C11orf65: variants seen among roughly 807,000 people sequenced by gnomAD.
C11orf65 encodes protein MFI.
In C11orf65, 38 loss-of-function variants were observed where a neutral mutation model predicts 35.3. That is an observed-to-expected ratio of 1.08 (90% confidence interval 0.83 to 1.41). C11orf65 has a LOEUF of 1.41. C11orf65 is among the 40% of genes most tolerant of loss of function. The pLI is 0.00. For synonymous variants in C11orf65, 105 were observed against 114.4 expected (o/e 0.92, Z 0.53); for missense variants, 370 against 367.1 (o/e 1.01, Z -0.06).
At chr11:108,437,796 T>C (rs2093087341) in intron 2 of C11orf65, among the ~76,000 whole-genome samples, 2 of 150,454 alleles carry the variant, frequency 1.3e-5, no homozygotes, top group South Asian at 4.2e-4. Context: ...GCCTTAGTAT[T>C]GTTAAGATGA....
At chr11:108,452,074 C>T (rs1403731234) in intron 2 of C11orf65, among the ~76,000 whole-genome samples, 1 of 151,940 alleles carries the variant, frequency 6.6e-6, no homozygotes. Flanking sequence ...CTAGGCAATA[C>T]CATTCAGGAC....
chr11:108,367,981 A>G (rs2091419816), intron 2 of C11orf65: 2 of 205,378 alleles, frequency 9.7e-6, no homozygotes, highest in African/African-American at 4.6e-5. Flanking sequence ...TATCAACTAG[A>G]TAATAGTATA....
intron 2 of C11orf65, among the ~76,000 whole-genome samples, chr11:108,362,990 CAAAAA>C (rs895050205): frequency 6.6e-6 from 1 of 151,446 alleles, no homozygotes; most frequent in Non-Finnish European, 1.5e-5. Flanking sequence ...AACAAACAAA[CAAAAA>C]AAACACACCC....
intron 2 of C11orf65, among the ~76,000 whole-genome samples, chr11:108,460,729 G>C (rs1048021228): frequency 6.6e-6 from 1 of 151,638 alleles, no homozygotes; most frequent in Admixed American, 6.6e-5. Flanking sequence ...AGTCTGCTTT[G>C]TTGTTGTTGT....
rs587781897 is a variant in C11orf65 at position 108,333,888 on chromosome 11, G to A, written c.299+1332C>T. On this transcript the variant is annotated intron_variant, in intron 3 of 3. Coordinates refer to the C11orf65 transcript ENST00000524755. ...AATCTCTTCATTTTTAAATACAGAA[G>A]GCATAAATATTCCAGCAGACCAGCC... 2.5e-6 allele frequency: 4 copies of A among 1,601,184 alleles called. No individual in the cohort carries two copies. Among genetic ancestry groups the A allele is most frequent in the Admixed American group, 3.3e-5 (2 of 59,982 alleles).
intron 2 of C11orf65, among the ~76,000 whole-genome samples, chr11:108,454,037 G>A (rs929514577): frequency 4.6e-5 from 7 of 152,130 alleles, no homozygotes; most frequent in Non-Finnish European, 1.0e-4. Context: ...ATTCAACAGT[G>A]AAGCCATCCT....
chr11:108,366,512 A>T (rs1232218359), intron 2 of C11orf65: 2 of 227,672 alleles, frequency 8.8e-6, no homozygotes, highest in African/African-American at 2.2e-5. Context: ...TTTGTATTTG[A>T]TAGGCTGTTC....
At chr11:108,371,366 C>T (rs2091569791) in intron 2 of C11orf65, among the ~76,000 whole-genome samples, 1 of 152,136 alleles carries the variant, frequency 6.6e-6, no homozygotes, top group African/African-American at 2.4e-5. Flanking sequence ...AATTCTATAC[C>T]CATTAAACAA....
At chr11:108,357,972 A>C (rs1480654663) in intron 2 of C11orf65, among the ~76,000 whole-genome samples, 8 of 149,416 alleles carry the variant, frequency 5.4e-5, no homozygotes, top group Non-Finnish European at 1.0e-4. Context: ...TGAGAGAAGA[A>C]GGCTTCAGAC....
chr11:108,387,247 TG>T (rs2138336709), intron 7 of C11orf65, among the ~76,000 whole-genome samples: 1 of 141,644 alleles, frequency 7.1e-6, no homozygotes, highest in South Asian at 2.4e-4. Context: ...CTTGGCCTCC[TG>T]GGTTCAAGAG....
intron 2 of C11orf65, among the ~76,000 whole-genome samples, chr11:108,457,933 A>G (rs1210136095): frequency 6.6e-6 from 1 of 152,088 alleles, no homozygotes; most frequent in East Asian, 1.9e-4. Flanking sequence ...TAGAATCAAG[A>G]GCAAATGTAT....
At chr11:108,343,498 G>A in intron 2 of C11orf65, 2 of 1,164,244 alleles carry the variant, frequency 1.7e-6, no homozygotes, top group South Asian at 1.5e-5. Flanking sequence ...AAGATACTAA[G>A]TAAAAGAAAA....
At chr11:108,398,452 C>T (rs1025667236) in intron 6 of C11orf65, among the ~76,000 whole-genome samples, 4 of 151,950 alleles carry the variant, frequency 2.6e-5, no homozygotes, top group Non-Finnish European at 5.9e-5. Context: ...TTTTGTGATG[C>T]GGAAGATTAG....
intron 8 of C11orf65, among the ~76,000 whole-genome samples, chr11:108,384,589 C>A (rs1339526737): frequency 1.3e-5 from 2 of 152,100 alleles, no homozygotes; most frequent in African/African-American, 4.8e-5. Context: ...GCCTGGGCAA[C>A]ATGGCGAAAT....
intron 2 of C11orf65, among the ~76,000 whole-genome samples, chr11:108,341,286 C>A (rs956415356): frequency 6.6e-6 from 1 of 152,136 alleles, no homozygotes. Flanking sequence ...TTACTTCATT[C>A]AGGCTTCTGC....
chr11:108,421,426 C>T (rs1397481192), intron 3 of C11orf65, among the ~76,000 whole-genome samples: 2 of 152,050 alleles, frequency 1.3e-5, no homozygotes, highest in Non-Finnish European at 2.9e-5. Flanking sequence ...GAGGCCGAGG[C>T]GAGCGGATCA....
chr11:108,318,551 G>C (rs528918914), intron 6 of C11orf65, among the ~76,000 whole-genome samples: 1 of 151,772 alleles, frequency 6.6e-6, no homozygotes, highest in African/African-American at 2.4e-5. Context: ...TTAGCTGGGT[G>C]TGCTGGAGCA....
intron 2 of C11orf65, among the ~76,000 whole-genome samples, chr11:108,441,560 G>T (rs1212456415): frequency 6.6e-6 from 1 of 152,194 alleles, no homozygotes; most frequent in East Asian, 1.9e-4. Context: ...GCCTAACTGG[G>T]AGGCACCCCC....
At chr11:108,401,986 T>C (rs1194993392) in intron 6 of C11orf65, among the ~76,000 whole-genome samples, 1 of 152,210 alleles carries the variant, frequency 6.6e-6, no homozygotes, top group Non-Finnish European at 1.5e-5. Context: ...CTAACAACCT[T>C]AGAATCCACC....
Sources: gnomAD v4.1 joint callset for allele counts (sites outside exome capture counted in the v4.1 genomes callset) on GRCh38, gnomAD v4.1.1 for gene constraint, MANE v1.5 for transcripts, NCBI Gene and HGNC (gene_info 2026-07-23, HGNC 2026-07-21) for gene names.